The following VWC2L variants were observed in gnomAD, a reference collection of about 807,000 sequenced individuals.
VWC2L encodes the protein von Willebrand factor C domain containing 2 like, also known as von Willebrand factor C domain-containing protein 2-like.
A neutral mutation model predicts 21.6 loss-of-function variants in VWC2L; 10 were observed. That is an observed-to-expected ratio of 0.46 (90% CI 0.29 to 0.78). The LOEUF (loss-of-function observed/expected upper bound fraction) is 0.78. Ranked by LOEUF, VWC2L falls within the 30% of genes least tolerant of loss-of-function variation. The pLI, the probability that VWC2L is intolerant of heterozygous loss-of-function variation, is 0.10. For missense variants in VWC2L, 209 were observed against 277.1 expected (o/e 0.75, Z 1.74); for synonymous variants, 96 against 94.3 (o/e 1.02, Z -0.10).
At chr2:214,574,593 A>G (rs1690200173) in intron 3 of VWC2L, among the ~76,000 whole-genome samples, 1 of 152,192 alleles carries the variant, frequency 6.6e-6, no homozygotes, top group Admixed American at 6.5e-5. Context: ...TGTAGTGGTT[A>G]TGGTGAGTGG....
chr2:214,578,485 A>G lies in VWC2L; in HGVS notation c.*2665A>G, dbSNP rs1200306989. On this transcript the variant is annotated 3_prime_UTR_variant, in exon 4 of 4. Transcript: ENST00000312504. ...TTTCTTTTTCTCAAAGTTTCACTGC[A>G]GGCTGTTTCCTTTAAGATTTTGTAG... The G allele has an allele frequency of 6.6e-6, 1 of 152,206 alleles. No individual in the cohort carries two copies. Among genetic ancestry groups the G allele is most frequent in the Non-Finnish European group, 1.5e-5 (1 of 68,056 alleles). 9.4% of individuals were successfully genotyped at this position (152,206 alleles called of 1,614,324 possible).
intron 3 of VWC2L, among the ~76,000 whole-genome samples, chr2:214,532,663 G>A (rs1197586323): frequency 6.6e-6 from 1 of 152,100 alleles, no homozygotes; most frequent in East Asian, 1.9e-4. Context: ...GTGTATGGTT[G>A]TTGTGTTTCT....
intron 3 of VWC2L, among the ~76,000 whole-genome samples, chr2:214,574,459 T>C (rs1320276867): frequency 1.3e-5 from 2 of 152,180 alleles, no homozygotes; most frequent in Non-Finnish European, 2.9e-5. Context: ...AGACTCCAAA[T>C]ATGAAGCGGA....
At chr2:214,512,974 G>GT (rs1689080282) in intron 3 of VWC2L, among the ~76,000 whole-genome samples, 1 of 152,058 alleles carries the variant, frequency 6.6e-6, no homozygotes, top group Non-Finnish European at 1.5e-5. Context: ...GATTTTCTAG[G>GT]TTGAATGTTT....
At chr2:214,534,456 C>T (rs2105917688) in intron 3 of VWC2L, among the ~76,000 whole-genome samples, 1 of 152,176 alleles carries the variant, frequency 6.6e-6, no homozygotes, top group Middle Eastern at 3.4e-3. Context: ...CAAGCACCTT[C>T]CACTTTAACA....
chr2:214,506,892 A>G (rs1369196265), intron 3 of VWC2L, among the ~76,000 whole-genome samples: 1 of 152,078 alleles, frequency 6.6e-6, no homozygotes, highest in Non-Finnish European at 1.5e-5. Context: ...CTGTGTCTAA[A>G]TATATAGAAA....
At chr2:214,416,692 C>A (rs893112781) in intron 2 of VWC2L, among the ~76,000 whole-genome samples, 3 of 151,940 alleles carry the variant, frequency 2.0e-5, no homozygotes, top group South Asian at 2.1e-4. Context: ...GATTCGAATC[C>A]CAAATTCATC....
At chr2:214,569,155 C>G (rs1690111685) in intron 3 of VWC2L, among the ~76,000 whole-genome samples, 1 of 152,190 alleles carries the variant, frequency 6.6e-6, no homozygotes, top group Admixed American at 6.6e-5. Flanking sequence ...GTTTTCATTA[C>G]CATCACACAG....
intron 3 of VWC2L, among the ~76,000 whole-genome samples, chr2:214,540,599 A>G (rs570520041): frequency 8.5e-5 from 13 of 152,192 alleles, no homozygotes; most frequent in Non-Finnish European, 1.6e-4. Context: ...TTATTTCCAA[A>G]GTTCCATGTT....
At chr2:214,476,391 T>TA (rs1233825537) in intron 3 of VWC2L, among the ~76,000 whole-genome samples, 1 of 152,174 alleles carries the variant, frequency 6.6e-6, no homozygotes, top group Non-Finnish European at 1.5e-5. Context: ...AGTTTTCATA[T>TA]AGTAATAGTA....
Position 214,576,650 on chromosome 2 carries a change from T to C in VWC2L, c.*830T>C, listed in dbSNP as rs2105936963. ...TCATGATGTGAAATTTGAGTTTGGT[T>C]TGTAGCTAAACACACTCTAAACTCA... On this transcript the variant is annotated 3_prime_UTR_variant, in exon 4 of 4. Coordinates refer to ENST00000312504, the MANE Select transcript of VWC2L (RefSeq NM_001080500.4). The C allele has an allele frequency of 6.6e-6, 1 of 152,308 alleles. No individual in the cohort carries two copies. Among genetic ancestry groups the C allele is most frequent in the East Asian group, 1.9e-4 (1 of 5,184 alleles). The allele number at this position is 152,308 out of a possible 1,614,324, so 9.4% of individuals were successfully genotyped here. A position where few individuals can be genotyped will look rare whatever the true frequency, so the allele number is the denominator to read the frequency against.
At chr2:214,448,363 A>C (rs1266093113) in intron 3 of VWC2L, among the ~76,000 whole-genome samples, 1 of 152,226 alleles carries the variant, frequency 6.6e-6, no homozygotes, top group African/African-American at 2.4e-5. Flanking sequence ...TTACCTTTTG[A>C]AATGTATGTT....
At chr2:214,466,824 T>G (rs1703224804) in intron 3 of VWC2L, among the ~76,000 whole-genome samples, 1 of 152,232 alleles carries the variant, frequency 6.6e-6, no homozygotes, top group African/African-American at 2.4e-5. Context: ...ATATATGAAA[T>G]GCAGTTAATA....
intron 1 of VWC2L, among the ~76,000 whole-genome samples, chr2:214,412,952 T>A (rs1260694687): frequency 1.3e-5 from 2 of 152,106 alleles, no homozygotes; most frequent in Non-Finnish European, 2.9e-5. Flanking sequence ...TCTTATTTAT[T>A]ACTCCCTAAA....
At chr2:214,553,184 C>A (rs1056243838) in intron 3 of VWC2L, among the ~76,000 whole-genome samples, 1 of 152,160 alleles carries the variant, frequency 6.6e-6, no homozygotes, top group Non-Finnish European at 1.5e-5. Context: ...CTATCCCCAC[C>A]CCACAGAGCA....
At chr2:214,444,180 T>C (rs1476110123) in intron 3 of VWC2L, among the ~76,000 whole-genome samples, 1 of 152,050 alleles carries the variant, frequency 6.6e-6, no homozygotes. Context: ...TTCAAATCAA[T>C]GGGAGAAAGC....
chr2:214,510,639 T>G (rs1446305239), intron 3 of VWC2L, among the ~76,000 whole-genome samples: 1 of 152,220 alleles, frequency 6.6e-6, no homozygotes, highest in East Asian at 1.9e-4. Flanking sequence ...ACTTAGGACT[T>G]CTCCTGATCC....
intron 3 of VWC2L, among the ~76,000 whole-genome samples, chr2:214,548,022 T>C (rs1689737043): frequency 6.6e-6 from 1 of 152,386 alleles, no homozygotes; most frequent in East Asian, 1.9e-4. Context: ...GGTTTCACAC[T>C]GAGTCATGCA....
rs373213883 is a variant in VWC2L at position 214,570,185 on chromosome 2, G to A, written c.521-5487G>A. Among the ~76,000 whole-genome samples, 6 of 152,256 alleles carry A rather than the reference G, an allele frequency of 3.9e-5. No homozygotes were observed. The East Asian group carries it at 7.7e-4, about 20-fold the overall frequency. On this transcript the variant is annotated intron_variant, in intron 3 of 3. Transcript: ENST00000312504. ...AAGATGGAATAAAAAGGGGCTGAAA[G>A]GATAGAGCCCTGGGCTCTCCACAGC... is the stretch of plus-strand genomic sequence containing the variant.
Sources: gnomAD v4.1 joint callset for allele counts (sites outside exome capture counted in the v4.1 genomes callset) on GRCh38, gnomAD v4.1.1 for gene constraint, MANE v1.5 for transcripts, NCBI Gene and HGNC (gene_info 2026-07-23, HGNC 2026-07-21) for gene names.